Variants in RIPOR2 observed in about 807,000 individuals in gnomAD.
RIPOR2 encodes the protein RHO family interacting cell polarization regulator 2.
Under a neutral mutation model 114.5 loss-of-function variants are expected in RIPOR2, and 39 were observed. The observed-to-expected ratio is 0.34, with a 90% CI of 0.26 to 0.44. The LOEUF (loss-of-function observed/expected upper bound fraction) is 0.44, where lower values mean the gene tolerates loss of function less well. Ranked by LOEUF, RIPOR2 falls within the 20% of genes least tolerant of loss-of-function variation. The probability of loss-of-function intolerance (pLI) is 1.00; values close to 1 mark genes in which losing one functional copy is unlikely to be tolerated. For synonymous variants in RIPOR2, 445 were observed against 484.4 expected (o/e 0.92, Z 1.07); for missense variants, 1,007 against 1,255.1 (o/e 0.80, Z 2.99).
chr6:24,848,240 T>C (rs1394331374), intron 11 of RIPOR2, 86 bp from the exon 12 acceptor site: 10 of 1,379,666 alleles, frequency 7.2e-6, no homozygotes, highest in African/African-American at 4.4e-5. Context: ...TACCTCATTA[T>C]ATAAAGGTAA....
intron 11 of RIPOR2, among the ~76,000 whole-genome samples, chr6:24,849,530 G>GAAA (rs1581587043): frequency 6.6e-6 from 1 of 152,122 alleles, no homozygotes; most frequent in Admixed American, 6.5e-5. Flanking sequence ...GAAGGTGACA[G>GAAA]AAAAAATATT....
intron 1 of RIPOR2, among the ~76,000 whole-genome samples, chr6:24,943,974 CTGCA>C (rs1222080085): frequency 1.3e-5 from 2 of 152,270 alleles, no homozygotes; most frequent in East Asian, 3.9e-4. Context: ...TTAGTCAATA[CTGCA>C]GCCGCCTAAG....
intron 7 of RIPOR2, among the ~76,000 whole-genome samples, chr6:24,861,580 A>G (rs542456702): frequency 6.6e-6 from 1 of 152,372 alleles, no homozygotes; most frequent in Admixed American, 6.5e-5. Context: ...GATATTCCAT[A>G]GGTTACTATT....
At chr6:25,005,276 G>A (rs953496343) in intron 1 of RIPOR2, among the ~76,000 whole-genome samples, 3 of 152,136 alleles carry the variant, frequency 2.0e-5, no homozygotes, top group Non-Finnish European at 4.4e-5. Context: ...CGGGTTGTCC[G>A]TAGATTTAGA....
intron 1 of RIPOR2, among the ~76,000 whole-genome samples, chr6:24,876,681 G>A (rs1225463327): frequency 6.6e-6 from 1 of 152,186 alleles, no homozygotes; most frequent in Non-Finnish European, 1.5e-5. Flanking sequence ...AGGGTAAAGG[G>A]AGTGCTCACA....
intron 1 of RIPOR2, among the ~76,000 whole-genome samples, chr6:25,021,263 T>C (rs999809791): frequency 2.0e-5 from 3 of 152,154 alleles, no homozygotes; most frequent in Non-Finnish European, 4.4e-5. Flanking sequence ...GGAGAAGGAA[T>C]GCATTTCTGG....
At chr6:24,904,994 C>G (rs540243478) in intron 1 of RIPOR2, among the ~76,000 whole-genome samples, 7 of 152,232 alleles carry the variant, frequency 4.6e-5, no homozygotes, top group African/African-American at 1.7e-4. Flanking sequence ...AGGCTGGTCT[C>G]AAACCCCTGA....
At chr6:24,951,951 T>G (rs1422529970) in intron 1 of RIPOR2, among the ~76,000 whole-genome samples, 1 of 152,180 alleles carries the variant, frequency 6.6e-6, no homozygotes, top group Non-Finnish European at 1.5e-5. Context: ...GTCGTAAATA[T>G]GTAGTGAATT....
chr6:25,011,543 T>C lies in RIPOR2; in HGVS notation c.76+30308A>G, dbSNP rs150957037. ...TCTGTTGGCCTGTGTTACACTATAA[T>C]GTGTGAGGGGAATTGGATGGTGTTA... is the stretch of plus-strand genomic sequence containing the variant. On this transcript the variant is annotated intron_variant, in intron 1 of 13. Coordinates refer to the RIPOR2 transcript ENST00000510784. 4.7e-4 allele frequency among the ~76,000 whole-genome samples: 72 copies of C among 152,356 alleles called. No individual in the cohort carries two copies. The East Asian group carries it at 0.014, about 29-fold the overall frequency.
chr6:24,923,048 C>G (rs1770623095), intron 1 of RIPOR2, among the ~76,000 whole-genome samples: 1 of 151,974 alleles, frequency 6.6e-6, no homozygotes, highest in South Asian at 2.1e-4. Context: ...TCTCCTCCCC[C>G]CAGCCTCTGG....
intron 1 of RIPOR2, chr6:24,976,497 C>G: frequency 1.3e-6 from 2 of 1,577,618 alleles, no homozygotes; most frequent in Non-Finnish European, 1.7e-6. Context: ...GGTAAGGGGC[C>G]TGGAAACCAA....
In RIPOR2 at chr6:25,017,851, G is replaced by C. The variant is rs555292089; in HGVS notation, c.76+24000C>G. ...CAGTGGGCTTGCATTGGTTTCAAAA[G>C]GAAAATGAAAAGTTCTGTAAAGTCT... On this transcript the variant is annotated intron_variant, in intron 1 of 13. Transcript: ENST00000510784. Among the ~76,000 whole-genome samples, 4 of 152,298 alleles carry C rather than the reference G, an allele frequency of 2.6e-5. No homozygotes were observed. The South Asian group carries it at 8.3e-4, about 32-fold the overall frequency.
At chr6:24,822,521 T>C (rs1186058647) in intron 19 of RIPOR2, among the ~76,000 whole-genome samples, 1 of 152,096 alleles carries the variant, frequency 6.6e-6, no homozygotes, top group Non-Finnish European at 1.5e-5. Flanking sequence ...TTTTTATTTA[T>C]TTATTTATTT....
intron 1 of RIPOR2, among the ~76,000 whole-genome samples, chr6:24,891,697 C>T (rs1767373755): frequency 6.6e-6 from 1 of 152,056 alleles, no homozygotes; most frequent in African/African-American, 2.4e-5. Context: ...TATTCTGAGC[C>T]CAAAAGGCAC....
At chr6:24,882,428 C>T (rs903038686) in intron 1 of RIPOR2, among the ~76,000 whole-genome samples, 9 of 152,184 alleles carry the variant, frequency 5.9e-5, no homozygotes, top group Non-Finnish European at 1.2e-4. Context: ...CATTGATTAA[C>T]CTGTAAGGCA....
chr6:24,996,439 C>G (rs1481044599), intron 1 of RIPOR2, among the ~76,000 whole-genome samples: 1 of 152,196 alleles, frequency 6.6e-6, no homozygotes, highest in Non-Finnish European at 1.5e-5. Context: ...CTCACCTCCT[C>G]AGATCACTTC....
intron 1 of RIPOR2, among the ~76,000 whole-genome samples, chr6:24,912,620 GA>G (rs1769744495): frequency 6.6e-6 from 1 of 152,180 alleles, no homozygotes; most frequent in African/African-American, 2.4e-5. Context: ...AAGAGACCTG[GA>G]AAGAAGTACA....
intron 1 of RIPOR2, among the ~76,000 whole-genome samples, chr6:24,950,224 G>T (rs1424120462): frequency 6.6e-6 from 1 of 152,146 alleles, no homozygotes; most frequent in Non-Finnish European, 1.5e-5. Context: ...ATATGGTATT[G>T]CTGATTATAG....
intron 13 of RIPOR2, chr6:24,840,834 G>A: frequency 1.3e-6 from 2 of 1,495,138 alleles, no homozygotes; most frequent in Non-Finnish European, 1.8e-6. Flanking sequence ...CTTTAATTCT[G>A]GCTGGATACA....
Sources: gnomAD v4.1 joint callset for allele counts (sites outside exome capture counted in the v4.1 genomes callset) on GRCh38, gnomAD v4.1.1 for gene constraint, MANE v1.5 for transcripts, NCBI Gene and HGNC (gene_info 2026-07-23, HGNC 2026-07-21) for gene names.